HOXA11: variants seen among roughly 807,000 people sequenced by gnomAD.
HOXA11 encodes the protein homeobox protein Hox-A11.
A neutral mutation model predicts 22.5 loss-of-function variants in HOXA11; 8 were observed. The observed-to-expected ratio is 0.36, with a 90% CI of 0.21 to 0.64. The LOEUF (loss-of-function observed/expected upper bound fraction) is 0.64. Among genes scored for constraint, HOXA11 ranks in the 30% least tolerant of loss-of-function variants. HOXA11 has a pLI of 0.67. For missense variants in HOXA11, 388 were observed against 429.0 expected (o/e 0.90, Z 0.84); for synonymous variants, 211 against 188.4 (o/e 1.12, Z -0.98).
At chr7:27,183,086 G>T (rs1783795909) in intron 1 of HOXA11, 58 bp from the exon 2 acceptor site, 1 of 1,193,694 alleles carries the variant, frequency 8.4e-7, no homozygotes, top group African/African-American at 1.5e-5. Flanking sequence ...ATCCACCCCA[G>T]AGCCCATAGC....
rs755009957 is a variant in HOXA11, at chr7:27,184,896, G to A, written c.249C>T (p.Tyr83=). ...CTCTGTGCACGAGCTCCTCCGCGGAGTAGCAGTGGGCCAGATTGCCGCGGG... is the reference window on the plus strand; with the variant it reads ...CTCTGTGCACGAGCTCCTCCGCGGAATAGCAGTGGGCCAGATTGCCGCGGG... ...WHPRGNLAHC[Y]SAEELVHRDC... Residue 83 remains tyrosine (Y), a synonymous_variant, in exon 1 of 2, where the codon TAC becomes TAT. Coordinates refer to ENST00000006015, the MANE Select transcript of HOXA11 (RefSeq NM_005523.6). 4.3e-6 allele frequency: 7 copies of A among 1,614,108 alleles called. No homozygotes were observed. The highest frequency in any genetic ancestry group is 5.1e-6 in the Non-Finnish European group (6 of 1,179,990).
Position 27,181,852 on chromosome 7 carries a change from T to C in HOXA11, c.*944A>G, listed in dbSNP as rs893885190. On this transcript the variant is annotated 3_prime_UTR_variant, in exon 2 of 2. Transcript: ENST00000006015. ...GCTGGAACCCGGTGTTTTGGGGGAC[T>C]CAAGGCCCTCATAGCCAAAGCTGGG... 2 of 221,532 alleles carry C rather than the reference T, an allele frequency of 9.0e-6. No homozygotes were observed. The highest frequency in any genetic ancestry group is 4.5e-5 in the African/African-American group (2 of 44,646). The allele number at this position is 221,532 out of a possible 1,614,324, so 13.7% of individuals were successfully genotyped here.
rs991270582 is a variant in HOXA11, at chr7:27,184,550, C to G, written c.595G>C (p.Gly199Arg). Reference sequence around the variant, plus strand: ...GCTGCCGCCGCCGTCTCCCGGCAGCCGCCGCCGCCGCCGCTGTCCGAACTT... The same window carrying G: ...GCTGCCGCCGCCGTCTCCCGGCAGCGGCCGCCGCCGCCGCTGTCCGAACTT... ...TSSSDSGGGG[G>R]CRETAAAAEE... The change falls in exon 1 of 2, where the codon GGC becomes CGC. Residue 199 changes from glycine to arginine, a missense_variant. Around this residue, in one of 4 missense-constraint regions of HOXA11, gnomAD observed 295 missense variants for 281.1 expected, o/e 1.05. Coordinates refer to ENST00000006015, the MANE Select transcript of HOXA11 (RefSeq NM_005523.6). 1 of 1,381,784 alleles carries G rather than the reference C, an allele frequency of 7.2e-7. No homozygotes were observed. The highest frequency in any genetic ancestry group is 2.9e-5 in the East Asian group (1 of 34,192). The allele number at this position is 1,381,784 out of a possible 1,614,324, so 85.6% of individuals were successfully genotyped here.
At chr7:27,184,016 G>T (rs1783813135) in intron 1 of HOXA11, among the ~76,000 whole-genome samples, 1 of 152,072 alleles carries the variant, frequency 6.6e-6, no homozygotes, top group Non-Finnish European at 1.5e-5. Flanking sequence ...TTGAATCCCG[G>T]CCGGGACTGG....
chr7:27,184,590 G>A lies in HOXA11; in HGVS notation c.555C>T (p.Gly185=). 6.7e-7 allele frequency: 1 copy of A among 1,490,044 alleles called. No homozygotes were observed. The highest frequency in any genetic ancestry group is 8.9e-7 in the Non-Finnish European group (1 of 1,118,450). The allele number at this position is 1,490,044 out of a possible 1,614,324, so 92.3% of individuals were successfully genotyped here. ...TSAAAAAAAT[G]APATSSSDSG... Reference sequence around the variant, plus strand: ...TGTCCGAACTTGAAGTTGCCGGCGCGCCCGTTGCAGCCGCCGCCGCCGCCG... The same window carrying A: ...TGTCCGAACTTGAAGTTGCCGGCGCACCCGTTGCAGCCGCCGCCGCCGCCG... The change falls in exon 1 of 2, where the codon GGC becomes GGT. Residue 185 remains glycine (G), a synonymous_variant. Transcript: ENST00000006015.
rs1285433049 is a variant in HOXA11 at position 27,184,509 on chromosome 7, C to T, written c.636G>A (p.Arg212=). 6.5e-7 allele frequency: 1 copy of T among 1,534,580 alleles called. No homozygotes were observed. The highest frequency in any genetic ancestry group is 2.6e-5 in the East Asian group (1 of 38,814). Residue 212 remains arginine, a synonymous_variant, in exon 1 of 2, where the codon CGG becomes CGA. Transcript: ENST00000006015. The stretch of plus-strand genomic sequence containing the variant: ...TGCTGCTGCTCTCGGGGCGCCGCCG[C>T]CGCTCTTTCTCCTCTGCTGCCGCCG... The part of the protein sequence containing the change: ...ETAAAAEEKE[R]RRRPESSSSP...
Position 27,184,464 on chromosome 7 carries a change from G to T in HOXA11, c.681C>A (p.Gly227=). ...AGCCGCCGGCCTTGTCCTCAGTGTG[G>T]CCGGAAGACGACTCGGGGCTGCTGC... The part of the protein sequence containing the change: ...ESSSSPESSS[G]HTEDKAGGSS... The change falls in exon 1 of 2, where the codon GGC becomes GGA. Residue 227 remains glycine, a synonymous_variant. Transcript: ENST00000006015. 1.9e-6 allele frequency: 3 copies of T among 1,562,186 alleles called. No individual in the cohort carries two copies. The highest frequency in any genetic ancestry group is 2.4e-5 in the East Asian group (1 of 41,764).
rs746621312 is a variant in HOXA11, at chr7:27,184,999, G to C, written c.146C>G (p.Ser49Cys). The change falls in exon 1 of 2, where the codon TCC (serine) becomes TGC (cysteine). Residue 49 changes from serine (S) to cysteine (C), a missense_variant. By Grantham distance (112) the Ser-to-Cys change is moderately radical (BLOSUM62 -1). Coordinates refer to ENST00000006015, the MANE Select transcript of HOXA11 (RefSeq NM_005523.6). ...SSRPMTYSYS[S>C]NLPQVQPVRE... Reference sequence around the variant, plus strand: ...CACGGGTTGGACCTGGGGCAGGTTGGAGGAGTAGGAGTATGTCATTGGGCG... The same window carrying C: ...CACGGGTTGGACCTGGGGCAGGTTGCAGGAGTAGGAGTATGTCATTGGGCG... 9.3e-6 allele frequency: 15 copies of C among 1,614,042 alleles called. No homozygotes were observed. The Admixed American group carries it at 2.5e-4, about 27-fold the overall frequency.
At chr7:27,184,326 T>A in intron 1 of HOXA11, 110 bp downstream of exon 1, 1 of 1,102,060 alleles carries the variant, frequency 9.1e-7, no homozygotes, top group Non-Finnish European at 1.3e-6. Flanking sequence ...CTAAAGGCCC[T>A]TCATAAACCT....
chr7:27,182,181 G>A lies in HOXA11; in HGVS notation c.*615C>T, dbSNP rs142408967. ...TAGGAACTCAGGGCTGGATCAGTGT[G>A]GTGGGTGGCTAGGAGGAGTGGAAAG... On this transcript the variant is annotated 3_prime_UTR_variant, in exon 2 of 2. Transcript: ENST00000006015. 1 of 243,666 alleles carries A rather than the reference G, an allele frequency of 4.1e-6. No homozygotes were observed. Among genetic ancestry groups the A allele is most frequent in the Non-Finnish European group, 8.1e-6 (1 of 123,608 alleles). The allele number at this position is 243,666 out of a possible 1,614,324, so 15.1% of individuals were successfully genotyped here. A position where few individuals can be genotyped will look rare whatever the true frequency, so the allele number is the denominator to read the frequency against.
In HOXA11 at chr7:27,183,882, T is replaced by C. The variant is rs1259341722; in HGVS notation, c.709+554A>G. Among the ~76,000 whole-genome samples the C allele has an allele frequency of 3.4e-5, 5 of 148,154 alleles. No homozygotes were observed. The East Asian group carries it at 9.9e-4, about 29-fold the overall frequency. Reference sequence around the variant, plus strand: ...TAATTGCCACCACGCCAGAGGAAAATGGCTTCCTTTGGACAAAAAGGCCAA... The same window carrying C: ...TAATTGCCACCACGCCAGAGGAAAACGGCTTCCTTTGGACAAAAAGGCCAA... On this transcript the variant is annotated intron_variant, in intron 1 of 1. Coordinates refer to ENST00000006015, the MANE Select transcript of HOXA11 (RefSeq NM_005523.6).
At chr7:27,183,714 G>A (rs1175292685) in intron 1 of HOXA11, among the ~76,000 whole-genome samples, 1 of 132,470 alleles carries the variant, frequency 7.5e-6, no homozygotes, top group Non-Finnish European at 1.5e-5. Context: ...GGGGCTTCCC[G>A]AAGCTGCGGG....
In HOXA11 at chr7:27,181,214, C is replaced by G. The variant is rs1007560478; in HGVS notation, c.*1582G>C. 1.1e-4 allele frequency among the ~76,000 whole-genome samples: 17 copies of G among 152,304 alleles called. No individual in the cohort carries two copies. Among genetic ancestry groups the G allele is most frequent in the African/African-American group, 3.6e-4 (15 of 41,562 alleles). On this transcript the variant is annotated 3_prime_UTR_variant, in exon 2 of 2. Transcript: ENST00000006015. ...CCAGTTGCCTGTATAAGTGCTGCAA[C>G]ACACACGGTGGGTAAGAACCAGAAT...
chr7:27,181,464 A>G lies in HOXA11; in HGVS notation c.*1332T>C. 5.1e-6 allele frequency: 1 copy of G among 197,012 alleles called. No homozygotes were observed. The allele number at this position is 197,012 out of a possible 1,614,324, so 12.2% of individuals were successfully genotyped here. On this transcript the variant is annotated 3_prime_UTR_variant, in exon 2 of 2. Coordinates refer to ENST00000006015, the MANE Select transcript of HOXA11 (RefSeq NM_005523.6). ...CCACCCCCTCCAACACCCTAAAGGA[A>G]ATCAACTAATGGCAAAAGAAAAAAG...
In HOXA11 at chr7:27,184,547, AGCCGCC is replaced by A. The variant is rs745451301; in HGVS notation, c.592_597del (p.Gly198_Gly199del). 1.2e-5 allele frequency: 18 copies of A among 1,494,496 alleles called. No individual in the cohort carries two copies. The Admixed American group carries it at 1.8e-4, about 15-fold the overall frequency. 92.6% of individuals were successfully genotyped at this position (1,494,496 alleles called of 1,614,324 possible). ...TCTGCTGCCGCCGCCGTCTCCCGGC[AGCCGCC>A]GCCGCCGCCGCTGTCCGAACTTGAA... On this transcript the variant is annotated inframe_deletion, in exon 1 of 2. Transcript: ENST00000006015.
At position 27,185,112 on chromosome 7, in the gene HOXA11, A is replaced by G. The variant is rs1344934011; in HGVS notation, c.33T>C (p.Ser11=). 9.3e-6 allele frequency: 15 copies of G among 1,614,094 alleles called. No homozygotes were observed. The highest frequency in any genetic ancestry group is 1.3e-5 in the African/African-American group (1 of 75,060). ...AAGTACAACTTGGCAAATACATGTT[A>G]GAGGAGCAGGGACCACGCTCATCAA... is the stretch of plus-strand genomic sequence containing the variant. MDFDERGPCS[S]NMYLPSCTYY... Residue 11 remains serine (S), a synonymous_variant, in exon 1 of 2, where the codon TCT becomes TCC. Transcript: ENST00000006015.
Position 27,184,422 on chromosome 7 carries a change from G to C in HOXA11, c.709+14C>G. ...CCCCTTTCATAAAGCGCAGGGCGCT[G>C]CCTTTATACGTACTGGAGCCGCCGG... On this transcript the variant is annotated intron_variant, in intron 1 of 1. Transcript: ENST00000006015. 6.3e-7 allele frequency: 1 copy of C among 1,575,314 alleles called. No individual in the cohort carries two copies. Among genetic ancestry groups the C allele is most frequent in the Non-Finnish European group, 8.6e-7 (1 of 1,160,932 alleles).
At chr7:27,184,157 G>C (rs1783816720) in intron 1 of HOXA11, among the ~76,000 whole-genome samples, 1 of 152,162 alleles carries the variant, frequency 6.6e-6, no homozygotes, top group African/African-American at 2.4e-5. Context: ...GGCCCCGAGC[G>C]GGGTCGAGCT....
intron 1 of HOXA11, 31 bp from the exon 2 acceptor site, chr7:27,183,059 C>G: frequency 6.8e-7 from 1 of 1,476,322 alleles, no homozygotes; most frequent in African/African-American, 1.4e-5. Context: ...TGGGGTGAGC[C>G]AGGTGTGGGG....
Sources: gnomAD v4.1 joint callset for allele counts (sites outside exome capture counted in the v4.1 genomes callset) on GRCh38, gnomAD v4.1.1 for gene constraint, gnomAD v4.1.1 regional missense constraint, MANE v1.5 for transcripts, NCBI Gene and HGNC (gene_info 2026-07-23, HGNC 2026-07-21) for gene names.